Variants in LUZP1 observed in about 807,000 individuals in gnomAD.
LUZP1 encodes filamin mechanobinding actin cross-linking protein.
Under a neutral mutation model 71.3 loss-of-function variants are expected in LUZP1, and 25 were observed. The ratio of observed to expected loss-of-function variants is 0.35; its 90% confidence interval spans 0.26 to 0.49. The LOEUF is 0.49. LUZP1 is among the 20% of genes least tolerant of loss of function. LUZP1 has a pLI of 0.99. For missense variants in LUZP1, 1,142 were observed against 1,300.8 expected, an observed-to-expected ratio of 0.88 and a Z score of 1.88; for synonymous variants, 481 against 506.4, an observed-to-expected ratio of 0.95 and a Z score of 0.67.
At position 23,115,683 on chromosome 1, in the gene LUZP1, G is replaced by A. The variant is rs560570766; in HGVS notation, c.-225-6556C>T. On this transcript the variant is annotated intron_variant, in intron 2 of 4. Transcript: ENST00000302291. ...AGCCTCCCGAGTAGCTGGGATTACC[G>A]GTGCATGCCACCACGCCCAGCTAAT... 1.2e-4 allele frequency among the ~76,000 whole-genome samples: 19 copies of A among 152,192 alleles called. No homozygotes were observed. The East Asian group carries it at 3.5e-3, about 28-fold the overall frequency.
intron 3 of LUZP1, among the ~76,000 whole-genome samples, chr1:23,106,220 A>G (rs1643980157): frequency 6.6e-6 from 1 of 152,198 alleles, no homozygotes; most frequent in Non-Finnish European, 1.5e-5. Context: ...TCTTTGATCA[A>G]TCAATTTTAG....
intron 2 of LUZP1, among the ~76,000 whole-genome samples, chr1:23,141,604 T>C (rs1428947134): frequency 1.3e-5 from 2 of 152,214 alleles, no homozygotes; most frequent in Non-Finnish European, 2.9e-5. Flanking sequence ...CTCTGCCACA[T>C]GGGCCACCAA....
At chr1:23,119,170 T>TA (rs1228773514) in intron 2 of LUZP1, among the ~76,000 whole-genome samples, 1 of 152,102 alleles carries the variant, frequency 6.6e-6, no homozygotes, top group Admixed American at 6.5e-5. Flanking sequence ...TAGACCACCT[T>TA]ATTCTTTTGT....
At chr1:23,130,418 C>T (rs1450245552) in intron 2 of LUZP1, among the ~76,000 whole-genome samples, 3 of 148,976 alleles carry the variant, frequency 2.0e-5, no homozygotes, top group Admixed American at 6.7e-5. Flanking sequence ...TTTACCTGTA[C>T]AATATTATGA....
intron 2 of LUZP1, among the ~76,000 whole-genome samples, chr1:23,132,651 G>A (rs1644224116): frequency 6.6e-6 from 1 of 152,098 alleles, no homozygotes; most frequent in African/African-American, 2.4e-5. Context: ...TATTTAGGGT[G>A]ACACATCTGC....
intron 2 of LUZP1, among the ~76,000 whole-genome samples, chr1:23,160,954 GAAGA>G (rs1324847873): frequency 1.3e-5 from 2 of 152,164 alleles, no homozygotes; most frequent in African/African-American, 4.8e-5. Context: ...AAATTTTAGA[GAAGA>G]AAGATTAACT....
At position 23,094,050 on chromosome 1, in the gene LUZP1, C is replaced by T. The variant is rs377259906; in HGVS notation, c.212G>A (p.Arg71Gln). Residue 71 changes from arginine to glutamine, a missense_variant, in exon 4 of 5, where the codon CGG becomes CAG. Coordinates refer to ENST00000302291, the Ensembl canonical transcript of LUZP1. This position sits in a 1 kb window ranked among gnomAD's most constrained non-coding sequence, Gnocchi z 4.7. ...GTCTTTGCCTTCAATTCTCAGCACC[C>T]GCTGGCGCAGCACTTCAATCTCCGC... 1.3e-5 allele frequency: 21 copies of T among 1,614,078 alleles called. No homozygotes were observed. The highest frequency in any genetic ancestry group is 1.6e-4 in the Middle Eastern group (1 of 6,084).
chr1:23,175,135 C>G (rs1644575146), intron 1 of LUZP1, among the ~76,000 whole-genome samples: 2 of 152,036 alleles, frequency 1.3e-5, no homozygotes, highest in Non-Finnish European at 2.9e-5. Flanking sequence ...AAGGCTCAGA[C>G]AGGGAAAGTC....
At chr1:23,154,397 G>A (rs1569684633) in intron 2 of LUZP1, among the ~76,000 whole-genome samples, 1 of 152,136 alleles carries the variant, frequency 6.6e-6, no homozygotes, top group East Asian at 1.9e-4. Context: ...TTAATTACCA[G>A]GCATGGTGGT....
chr1:23,142,220 C>T (rs750381300), intron 2 of LUZP1, among the ~76,000 whole-genome samples: 3 of 152,124 alleles, frequency 2.0e-5, no homozygotes, highest in Non-Finnish European at 4.4e-5. Flanking sequence ...TCTCGTACTC[C>T]TGGACTCAAG....
chr1:23,130,188 C>T (rs1557664754), intron 2 of LUZP1, among the ~76,000 whole-genome samples: 1 of 152,182 alleles, frequency 6.6e-6, no homozygotes, highest in Non-Finnish European at 1.5e-5. Flanking sequence ...AAATTCAATG[C>T]TAATCTCTCT....
At chr1:23,165,730 TACC>T (rs1281027975) in intron 2 of LUZP1, among the ~76,000 whole-genome samples, 1 of 152,196 alleles carries the variant, frequency 6.6e-6, no homozygotes, top group Non-Finnish European at 1.5e-5. Context: ...TCAAAGTTTA[TACC>T]ACATCTTTCA....
upstream of LUZP1, among the ~76,000 whole-genome samples, chr1:23,177,986 C>A (rs536013515): frequency 6.6e-6 from 1 of 152,334 alleles, no homozygotes; most frequent in East Asian, 1.9e-4. Context: ...AACCTCCTAC[C>A]CCGGGAGCGC....
At chr1:23,170,684 C>T (rs2148222849) in intron 1 of LUZP1, among the ~76,000 whole-genome samples, 1 of 152,146 alleles carries the variant, frequency 6.6e-6, no homozygotes, top group Admixed American at 6.5e-5. Context: ...CCACGCTGGT[C>T]TCGAACTCCT....
intron 3 of LUZP1, among the ~76,000 whole-genome samples, chr1:23,101,827 T>A (rs1024360757): frequency 6.6e-6 from 1 of 152,206 alleles, no homozygotes; most frequent in African/African-American, 2.4e-5. Flanking sequence ...TAAGTATGTT[T>A]ATCCAGGCAA....
At position 23,093,347 on chromosome 1, in the gene LUZP1, A is replaced by T; in HGVS notation, c.915T>A (p.Phe305Leu). ...TCTTAAGCTCTTCTTCCAACGATTCAAAGTGTTTGATTTGTGTCTTAAGTT... is the reference window on the plus strand; with the variant it reads ...TCTTAAGCTCTTCTTCCAACGATTCTAAGTGTTTGATTTGTGTCTTAAGTT... Residue 305 changes from phenylalanine to leucine, a missense_variant, in exon 4 of 5, where the codon TTT (phenylalanine) becomes TTA (leucine). Physicochemically the swap from Phe to Leu is conservative, Grantham distance 22 (BLOSUM62 0). Transcript: ENST00000302291. The surrounding 1 kb of genome is among the most constrained non-coding windows in gnomAD (Gnocchi z 4.2). The T allele has an allele frequency of 6.2e-7, 1 of 1,612,978 alleles. No homozygotes were observed. Among genetic ancestry groups the T allele is most frequent in the South Asian group, 1.1e-5 (1 of 90,646 alleles).
chr1:23,139,085 G>A (rs1240663927), intron 2 of LUZP1, among the ~76,000 whole-genome samples: 47 of 133,396 alleles, frequency 3.5e-4, no homozygotes, highest in Middle Eastern at 4.3e-3. Flanking sequence ...TAATGTGTGT[G>A]TATATATATA....
At chr1:23,088,999 G>A (rs775636568) in exon 5 of LUZP1, 7 of 1,614,032 alleles carry the variant, frequency 4.3e-6, no homozygotes, top group Non-Finnish European at 5.9e-6. Context: ...GACGGATCCA[G>A]GGAGTTGTGC....
intron 4 of LUZP1, chr1:23,090,789 A>C: frequency 1.4e-6 from 1 of 706,668 alleles, no homozygotes. Flanking sequence ...TGTGCCCTAC[A>C]GAAAGGGCAC....
Sources: allele counts gnomAD v4.1 joint callset (sites outside exome capture counted in the v4.1 genomes callset), GRCh38; gene constraint gnomAD v4.1.1; non-coding constraint Gnocchi (gnomAD v3.1); transcripts MANE v1.5; gene names NCBI Gene and HGNC (gene_info 2026-07-23, HGNC 2026-07-21).